The following GRIK2 variants were observed in gnomAD, a reference collection of about 807,000 sequenced individuals.
GRIK2 encodes glutamate receptor ionotropic, kainate 2.
Under a neutral mutation model 100.3 loss-of-function variants are expected in GRIK2, and 32 were observed. The observed-to-expected ratio is 0.32, with a 90% CI of 0.24 to 0.43. GRIK2 has a LOEUF of 0.43. Among genes scored for constraint, GRIK2 ranks in the 20% least tolerant of loss-of-function variants. GRIK2 has a pLI of 1.00. For missense variants in GRIK2, 843 were observed against 1,114.9 expected (o/e 0.76, Z 3.47); for synonymous variants, 417 against 389.4 (o/e 1.07, Z -0.83).
chr6:101,622,724 A>G (rs1276387869), intron 3 of GRIK2, among the ~76,000 whole-genome samples: 1 of 151,998 alleles, frequency 6.6e-6, no homozygotes, highest in African/African-American at 2.4e-5. Context: ...TATGAGTTTT[A>G]TTTTCATGTT....
At chr6:101,538,740 A>G (rs541715637) in intron 2 of GRIK2, among the ~76,000 whole-genome samples, 23 of 151,726 alleles carry the variant, frequency 1.5e-4, no homozygotes, top group Admixed American at 5.3e-4. Flanking sequence ...TCATTTAATT[A>G]CCATTTGTGA....
In GRIK2 at chr6:101,783,558, A is replaced by G. The variant is rs554204095; in HGVS notation, c.952-16090A>G. The stretch of plus-strand genomic sequence containing the variant: ...TATAAAGATAACCTGAAAATGTGAA[A>G]GTGACTTTGGAACTGGGTAACAGGC... On this transcript the variant is annotated intron_variant, in intron 7 of 16. Transcript: ENST00000369134. Among the ~76,000 whole-genome samples, 5 of 152,286 alleles carry G rather than the reference A, an allele frequency of 3.3e-5. No individual in the cohort carries two copies. The East Asian group carries it at 9.7e-4, about 29-fold the overall frequency.
intron 10 of GRIK2, among the ~76,000 whole-genome samples, chr6:101,855,427 A>G (rs1373545336): frequency 6.6e-6 from 1 of 152,192 alleles, no homozygotes; most frequent in African/African-American, 2.4e-5. Flanking sequence ...GGAAAGAGGT[A>G]ACATATATAT....
At chr6:101,954,709 C>A (rs1791809141) in intron 14 of GRIK2, among the ~76,000 whole-genome samples, 1 of 151,830 alleles carries the variant, frequency 6.6e-6, no homozygotes, top group Non-Finnish European at 1.5e-5. Context: ...TTTTTCTTGC[C>A]TTTATGGCCT....
intron 7 of GRIK2, among the ~76,000 whole-genome samples, chr6:101,707,594 G>GTGTATATATATA (rs1491149804): frequency 4.7e-5 from 5 of 106,124 alleles, no homozygotes; most frequent in East Asian, 3.1e-4. Flanking sequence ...GTGTGTGTGT[G>GTGTATATATATA]TATATATGTG....
chr6:101,961,406 T>C (rs1226744865), intron 14 of GRIK2, among the ~76,000 whole-genome samples: 1 of 151,962 alleles, frequency 6.6e-6, no homozygotes, highest in Non-Finnish European at 1.5e-5. Context: ...GGAGTGCAAC[T>C]CCTCCTAATA....
At chr6:101,699,320 T>C (rs1772716322) in intron 7 of GRIK2, among the ~76,000 whole-genome samples, 1 of 152,122 alleles carries the variant, frequency 6.6e-6, no homozygotes. Flanking sequence ...GTACTAGAGC[T>C]CAAATTTACT....
At chr6:101,891,198 T>TA (rs1322547981) in intron 12 of GRIK2, among the ~76,000 whole-genome samples, 1 of 151,906 alleles carries the variant, frequency 6.6e-6, no homozygotes, top group Admixed American at 6.6e-5. Flanking sequence ...TTCATTCAGT[T>TA]AAAAATTGAT....
chr6:102,057,143 G>A (rs549212066), intron 16 of GRIK2, among the ~76,000 whole-genome samples: 3 of 151,830 alleles, frequency 2.0e-5, no homozygotes, highest in Admixed American at 6.6e-5. Flanking sequence ...GGTATTTAAG[G>A]CATTAATGTG....
chr6:101,646,767 C>T (rs1781544658), intron 4 of GRIK2, among the ~76,000 whole-genome samples: 1 of 151,888 alleles, frequency 6.6e-6, no homozygotes, highest in South Asian at 2.1e-4. Flanking sequence ...AAAACTGCCA[C>T]ATTTCTGTCT....
intron 14 of GRIK2, among the ~76,000 whole-genome samples, chr6:101,984,106 G>A (rs1001990167): frequency 6.6e-6 from 1 of 151,634 alleles, no homozygotes; most frequent in Non-Finnish European, 1.5e-5. Flanking sequence ...CTTGTAATAA[G>A]TTTTAATATT....
intron 10 of GRIK2, among the ~76,000 whole-genome samples, chr6:101,827,184 C>T (rs1239446345): frequency 6.6e-6 from 1 of 151,810 alleles, no homozygotes; most frequent in Non-Finnish European, 1.5e-5. Flanking sequence ...ATACAGTTTG[C>T]AGAAACTACG....
chr6:101,404,362 A>G (rs116606193), intron 2 of GRIK2, among the ~76,000 whole-genome samples: 1,651 of 152,366 alleles, frequency 0.011, 37 homozygotes, highest in African/African-American at 0.038. Flanking sequence ...AGTGTTGTCT[A>G]TGATAACAAT....
chr6:101,473,492 T>A (rs1562163159), intron 2 of GRIK2, among the ~76,000 whole-genome samples: 2 of 151,842 alleles, frequency 1.3e-5, no homozygotes, highest in Non-Finnish European at 3.0e-5. Context: ...TTTACCAAGC[T>A]AGTCTTATAT....
At chr6:101,693,528 T>C (rs1317335340) in intron 7 of GRIK2, among the ~76,000 whole-genome samples, 1 of 151,924 alleles carries the variant, frequency 6.6e-6, no homozygotes, top group Non-Finnish European at 1.5e-5. Flanking sequence ...CTGAAGTTCA[T>C]TGTTGTATGC....
At chr6:101,456,898 C>A (rs1260472376) in intron 2 of GRIK2, among the ~76,000 whole-genome samples, 1 of 152,048 alleles carries the variant, frequency 6.6e-6, no homozygotes, top group Non-Finnish European at 1.5e-5. Flanking sequence ...ACAAGCAATA[C>A]TAGAGGACAA....
chr6:101,656,500 C>T (rs932837763), intron 4 of GRIK2, among the ~76,000 whole-genome samples: 3 of 152,114 alleles, frequency 2.0e-5, no homozygotes, highest in African/African-American at 4.8e-5. Flanking sequence ...GATAATTCTA[C>T]TGCCCAAACA....
intron 4 of GRIK2, among the ~76,000 whole-genome samples, chr6:101,646,290 A>G (rs557717435): frequency 9.2e-5 from 14 of 152,096 alleles, no homozygotes; most frequent in African/African-American, 3.1e-4. Context: ...CTTGGATTTT[A>G]AAAGAGAAAG....
intron 7 of GRIK2, among the ~76,000 whole-genome samples, chr6:101,690,650 G>C (rs1442867717): frequency 6.6e-6 from 1 of 151,848 alleles, no homozygotes; most frequent in African/African-American, 2.4e-5. Flanking sequence ...AGCCTAAAAA[G>C]CCTTCTATGG....
Sources: gnomAD v4.1 joint callset for allele counts (sites outside exome capture counted in the v4.1 genomes callset) on GRCh38, gnomAD v4.1.1 for gene constraint, MANE v1.5 for transcripts, NCBI Gene and HGNC (gene_info 2026-07-23, HGNC 2026-07-21) for gene names.